MCTP2: variants seen among roughly 807,000 people sequenced by gnomAD.
MCTP2 encodes the protein multiple C2 and transmembrane domain-containing protein 2.
A neutral mutation model predicts 111.6 loss-of-function variants in MCTP2; 132 were observed. The ratio of observed to expected loss-of-function variants is 1.18; its 90% CI spans 1.03 to 1.37. The LOEUF is 1.37. Among genes scored for constraint, MCTP2 ranks in the 40% most tolerant of loss-of-function variants. MCTP2 has a pLI of 0.00. For synonymous variants in MCTP2, 395 were observed against 387.7 expected, an observed-to-expected ratio of 1.02 and a Z score of -0.22; for missense variants, 1,183 against 1,067.9, an observed-to-expected ratio of 1.11 and a Z score of -1.50.
intron 1 of MCTP2, among the ~76,000 whole-genome samples, chr15:94,244,142 A>C (rs2071473527): frequency 6.8e-6 from 1 of 146,424 alleles, no homozygotes; most frequent in Non-Finnish European, 1.5e-5. Context: ...ACACATGCAT[A>C]TGTGTATATG....
intron 2 of MCTP2, among the ~76,000 whole-genome samples, chr15:94,301,833 CTT>C (rs59217006): frequency 9.4e-4 from 121 of 128,974 alleles, no homozygotes; most frequent in African/African-American, 1.7e-3. Flanking sequence ...ATCATTTCTG[CTT>C]TTTTTTTTTT....
rs879822326 is a variant in MCTP2 at position 94,426,120 on chromosome 15, CAGAG to C, written c.2086-14040_2086-14037del. Among the ~76,000 whole-genome samples, 50 of 129,100 alleles carry C rather than the reference CAGAG, an allele frequency of 3.9e-4. No individual in the cohort carries two copies. In the Middle Eastern group the frequency reaches 0.012, roughly 30 times the overall value. 84.7% of individuals were successfully genotyped at this position (129,100 alleles called of 152,430 possible). A position where few individuals can be genotyped will look rare whatever the true frequency, so the allele number is the denominator to read the frequency against. On this transcript the variant is annotated intron_variant, in intron 17 of 22. Transcript: ENST00000357742. ...TATTTTCAGTTTTACTCTGAGATGCCAGAGAGAGAGAGAGAGAGATTGAGAGAGA... is the reference window on the plus strand; with the variant it reads ...TATTTTCAGTTTTACTCTGAGATGCCAGAGAGAGAGAGAGATTGAGAGAGA...
At chr15:94,307,708 T>C (rs1266077172) in intron 2 of MCTP2, among the ~76,000 whole-genome samples, 3 of 152,138 alleles carry the variant, frequency 2.0e-5, no homozygotes, top group African/African-American at 7.2e-5. Context: ...ACACTGGGTA[T>C]AGCAGTAAGT....
In MCTP2 at chr15:94,298,211, A is replaced by AGTT. The variant is rs3041678; in HGVS notation, c.-54_-52dup. On this transcript the variant is annotated 5_prime_UTR_variant, in exon 2 of 23. Transcript: ENST00000357742. ...TTTTCTGTTTTATAGGAGTCATTGC[A>AGTT]GTTTTCAGTAGAGGTGTACTTCTGA... The AGTT allele has an allele frequency of 0.12, 155,543 of 1,301,966 alleles. 11,925 individuals are homozygous for AGTT. Among genetic ancestry groups the AGTT allele is most frequent in the East Asian group, 0.24 (9,862 of 40,908 alleles). The allele number at this position is 1,301,966 out of a possible 1,614,324, so 80.7% of individuals were successfully genotyped here.
intron 1 of MCTP2, among the ~76,000 whole-genome samples, chr15:94,245,330 A>G (rs2071789775): frequency 1.4e-5 from 2 of 139,554 alleles, no homozygotes; most frequent in African/African-American, 2.6e-5. Flanking sequence ...ATTTACATAC[A>G]TATGTGTAGA....
At chr15:94,272,457 C>T (rs913603975) in intron 1 of MCTP2, among the ~76,000 whole-genome samples, 8 of 152,010 alleles carry the variant, frequency 5.3e-5, no homozygotes, top group Admixed American at 2.0e-4. Context: ...ACCTTCAGCC[C>T]AATTTTTTTT....
chr15:94,368,896 C>T (rs1011566741), intron 11 of MCTP2, among the ~76,000 whole-genome samples: 1 of 152,074 alleles, frequency 6.6e-6, no homozygotes, highest in Non-Finnish European at 1.5e-5. Flanking sequence ...GAGTAGTAAT[C>T]GAAAAGAGGT....
chr15:94,297,341 C>G (rs1319847191), intron 1 of MCTP2, among the ~76,000 whole-genome samples: 2 of 152,156 alleles, frequency 1.3e-5, no homozygotes, highest in Admixed American at 6.5e-5. Context: ...CCCTCATAAC[C>G]AACTGCTAGT....
At chr15:94,478,224 C>T (rs1171301637) in intron 22 of MCTP2, among the ~76,000 whole-genome samples, 1 of 152,220 alleles carries the variant, frequency 6.6e-6, no homozygotes, top group Non-Finnish European at 1.5e-5. Flanking sequence ...TTCCCTCAAG[C>T]CCCCAAGGAT....
chr15:94,334,957 A>T (rs2077286640), intron 4 of MCTP2, among the ~76,000 whole-genome samples: 1 of 152,202 alleles, frequency 6.6e-6, no homozygotes, highest in Admixed American at 6.5e-5. Context: ...TTTAGATCAC[A>T]TACCCTTTCC....
chr15:94,309,386 G>C (rs2076028702), intron 2 of MCTP2, among the ~76,000 whole-genome samples: 1 of 152,178 alleles, frequency 6.6e-6, no homozygotes, highest in South Asian at 2.1e-4. Context: ...AGTTTTTAAA[G>C]AGAATACTAT....
chr15:94,253,053 G>A (rs2072545355), intron 1 of MCTP2, among the ~76,000 whole-genome samples: 1 of 152,122 alleles, frequency 6.6e-6, no homozygotes, highest in South Asian at 2.1e-4. Flanking sequence ...TCCCTCAGCT[G>A]ACTTTTCTGC....
At chr15:94,260,258 T>TGCATTCAGAG (rs1355982236) in intron 1 of MCTP2, among the ~76,000 whole-genome samples, 19 of 152,154 alleles carry the variant, frequency 1.2e-4, no homozygotes, top group African/African-American at 4.6e-4. Context: ...CTTGCCATGG[T>TGCATTCAGAG]GCATTCAGAG....
At chr15:94,257,426 T>A (rs2072849828) in intron 1 of MCTP2, among the ~76,000 whole-genome samples, 1 of 152,002 alleles carries the variant, frequency 6.6e-6, no homozygotes, top group African/African-American at 2.4e-5. Flanking sequence ...TAGACAAAAT[T>A]CAACCTTATC....
chr15:94,354,940 T>C (rs1031777121), intron 8 of MCTP2, among the ~76,000 whole-genome samples: 2 of 152,224 alleles, frequency 1.3e-5, no homozygotes, highest in African/African-American at 4.8e-5. Flanking sequence ...AATTCATTGC[T>C]CGACGATGAT....
chr15:94,251,641 G>T (rs376331321), intron 1 of MCTP2, among the ~76,000 whole-genome samples: 2 of 152,118 alleles, frequency 1.3e-5, no homozygotes, highest in East Asian at 3.9e-4. Flanking sequence ...TTATAGGCGT[G>T]AGCCACCACA....
intron 14 of MCTP2, among the ~76,000 whole-genome samples, chr15:94,386,175 G>A (rs1047298972): frequency 6.6e-6 from 1 of 152,086 alleles, no homozygotes; most frequent in African/African-American, 2.4e-5. Context: ...TACATGGGTC[G>A]GGGGGAAGCT....
Position 94,315,620 on chromosome 15 carries a change from T to C in MCTP2, c.620T>C (p.Val207Ala), listed in dbSNP as rs768342134. 1.2e-6 allele frequency: 2 copies of C among 1,613,984 alleles called. No individual in the cohort carries two copies. The highest frequency in any genetic ancestry group is 1.7e-6 in the Non-Finnish European group (2 of 1,179,888). Residue 207 changes from valine (V) to alanine (A), a missense_variant, in exon 4 of 23, where the codon GTT becomes GCT. Physicochemically the swap from Val to Ala is moderately conservative, Grantham distance 64. Transcript: ENST00000357742. ...CACCTGAAGGAAGGCCGGAACCTGG[T>C]TGTCCGAGATCGCTGTGGTAAGACC... is the stretch of plus-strand genomic sequence containing the variant. ...TIHLKEGRNL[V>A]VRDRCGTSDP...
At chr15:94,403,350 C>T in intron 17 of MCTP2, 1 of 558,370 alleles carries the variant, frequency 1.8e-6, no homozygotes, top group Non-Finnish European at 2.3e-6. Flanking sequence ...AGTTCCCCTT[C>T]AACCTCCCCA....
Sources: allele counts gnomAD v4.1 joint callset (sites outside exome capture counted in the v4.1 genomes callset), GRCh38; gene constraint gnomAD v4.1.1; transcripts MANE v1.5; gene names NCBI Gene and HGNC (gene_info 2026-07-23, HGNC 2026-07-21).